The following CAMTA1 variants were observed in gnomAD, a reference collection of about 807,000 sequenced individuals.
CAMTA1 encodes the protein calmodulin-binding transcription activator 1.
Under a neutral mutation model 170.9 loss-of-function variants are expected in CAMTA1, and 27 were observed. The observed-to-expected ratio is 0.16, with a 90% CI of 0.12 to 0.22. The LOEUF (loss-of-function observed/expected upper bound fraction) is 0.22. Among genes scored for constraint, CAMTA1 ranks in the 10% least tolerant of loss-of-function variants. The pLI, the probability that CAMTA1 is intolerant of heterozygous loss-of-function variation, is 1.00. For synonymous variants in CAMTA1, 833 were observed against 891.5 expected, an observed-to-expected ratio of 0.93 and a Z score of 1.17; for missense variants, 1,619 against 2,217.2, an observed-to-expected ratio of 0.73 and a Z score of 5.42.
At chr1:7,383,070 T>C (rs2087527404) in intron 5 of CAMTA1, among the ~76,000 whole-genome samples, 1 of 152,142 alleles carries the variant, frequency 6.6e-6, no homozygotes, top group Admixed American at 6.5e-5. Flanking sequence ...TAGCGTTCTA[T>C]GTGGGAAGAA....
intron 3 of CAMTA1, among the ~76,000 whole-genome samples, chr1:6,882,652 C>T (rs1198658630): frequency 6.6e-6 from 1 of 151,966 alleles, no homozygotes; most frequent in Non-Finnish European, 1.5e-5. Flanking sequence ...TGGAGATGTT[C>T]AATAGGCAGT....
intron 11 of CAMTA1, among the ~76,000 whole-genome samples, chr1:7,710,470 CA>C (rs1342124041): frequency 6.6e-6 from 1 of 151,924 alleles, no homozygotes; most frequent in Non-Finnish European, 1.5e-5. Context: ...CACAGTGGCA[CA>C]CACCTATAGT....
chr1:7,374,261 G>A (rs1445390709), intron 5 of CAMTA1, among the ~76,000 whole-genome samples: 1 of 152,258 alleles, frequency 6.6e-6, no homozygotes, highest in Non-Finnish European at 1.5e-5. Flanking sequence ...TCAGGGATGG[G>A]CAAAGTTGTG....
chr1:7,695,110 G>A (rs1327216867), intron 11 of CAMTA1, among the ~76,000 whole-genome samples: 1 of 152,160 alleles, frequency 6.6e-6, no homozygotes, highest in Admixed American at 6.5e-5. Context: ...AGGAGAAACC[G>A]GTAGATAGCT....
Position 7,252,645 on chromosome 1 carries a change from T to A in CAMTA1, c.438+3019T>A, listed in dbSNP as rs537320427. On this transcript the variant is annotated intron_variant, in intron 5 of 22. Transcript: ENST00000303635. ...GTCTTTGGTGGATTCAATCAGGTGG[T>A]TCCCATAGACTCAGCATCTTCATCA... is the stretch of plus-strand genomic sequence containing the variant. Among the ~76,000 whole-genome samples, 149 of 152,328 alleles carry A rather than the reference T, an allele frequency of 9.8e-4. 1 individual carries two copies. The East Asian group carries it at 0.01, about 11-fold the overall frequency.
intron 4 of CAMTA1, among the ~76,000 whole-genome samples, chr1:7,098,855 A>G (rs1457110275): frequency 6.6e-6 from 1 of 152,108 alleles, no homozygotes; most frequent in Non-Finnish European, 1.5e-5. Context: ...TGGCAGCACC[A>G]GTCCAGGGCT....
chr1:6,881,077 T>A (rs954245173), intron 3 of CAMTA1, among the ~76,000 whole-genome samples: 5 of 152,136 alleles, frequency 3.3e-5, no homozygotes, highest in African/African-American at 1.2e-4. Context: ...TACAGAGAAG[T>A]TGAATTAACT....
intron 4 of CAMTA1, among the ~76,000 whole-genome samples, chr1:7,243,361 G>A (rs1665226226): frequency 6.6e-6 from 1 of 152,126 alleles, no homozygotes; most frequent in African/African-American, 2.4e-5. Context: ...ATGGTTTTAG[G>A]TCTAACATAT....
Position 7,565,225 on chromosome 1 carries a change from C to T in CAMTA1, c.511-75175C>T, listed in dbSNP as rs2150292723. On this transcript the variant is annotated intron_variant, in intron 6 of 22. Coordinates refer to ENST00000303635, the MANE Select transcript of CAMTA1 (RefSeq NM_015215.4). This position sits in a 1 kb window ranked among gnomAD's most constrained non-coding sequence, Gnocchi z 4.5. ...GATCTCCATCTGTCCCTCCTCATTCCCCGGAGAAGCACCCAGAGAGATGTA... is the reference window on the plus strand; with the variant it reads ...GATCTCCATCTGTCCCTCCTCATTCTCCGGAGAAGCACCCAGAGAGATGTA... 6.6e-6 allele frequency among the ~76,000 whole-genome samples: 1 copy of T among 152,272 alleles called. No homozygotes were observed. Among genetic ancestry groups the T allele is most frequent in the East Asian group, 1.9e-4 (1 of 5,164 alleles).
intron 6 of CAMTA1, among the ~76,000 whole-genome samples, chr1:7,507,959 G>T (rs372866138): frequency 1.3e-5 from 2 of 152,262 alleles, no homozygotes; most frequent in Non-Finnish European, 2.9e-5. Flanking sequence ...GCTTTGCCAC[G>T]TGGCTCCCAC....
At chr1:7,651,584 C>T (rs1056588113) in intron 7 of CAMTA1, among the ~76,000 whole-genome samples, 1 of 152,252 alleles carries the variant, frequency 6.6e-6, no homozygotes, top group African/African-American at 2.4e-5. Context: ...GGCAGGACTG[C>T]GGAGCAGAGA....
intron 4 of CAMTA1, among the ~76,000 whole-genome samples, chr1:7,142,341 G>A (rs1030017028): frequency 1.2e-4 from 19 of 152,210 alleles, no homozygotes; most frequent in African/African-American, 4.6e-4. Flanking sequence ...GAACCCAGTT[G>A]TGATGAGACT....
At chr1:6,871,420 A>G (rs899370683) in intron 3 of CAMTA1, among the ~76,000 whole-genome samples, 1 of 152,222 alleles carries the variant, frequency 6.6e-6, no homozygotes, top group African/African-American at 2.4e-5. Flanking sequence ...TGAGGAGAGG[A>G]AAAACTCACC....
At chr1:6,951,427 A>G (rs914779980) in intron 3 of CAMTA1, among the ~76,000 whole-genome samples, 4 of 152,198 alleles carry the variant, frequency 2.6e-5, no homozygotes, top group African/African-American at 7.2e-5. Context: ...TGAGTGGGAT[A>G]ATGGATGGAA....
At position 7,767,203 on chromosome 1, in the gene CAMTA1, G is replaced by A. The variant is rs910026556; in HGVS notation, c.*712G>A. 3 of 152,786 alleles carry A rather than the reference G, an allele frequency of 2.0e-5. No homozygotes were observed. Among genetic ancestry groups the A allele is most frequent in the African/African-American group, 7.2e-5 (3 of 41,448 alleles). The allele number at this position is 152,786 out of a possible 1,614,324, so 9.5% of individuals were successfully genotyped here. On this transcript the variant is annotated 3_prime_UTR_variant, in exon 23 of 23. Transcript: ENST00000303635. ...GGGAAATAATGAGAAGCAGCTCACA[G>A]AGTTTAAACTATTTTCTTGTCCCCA...
At chr1:7,194,161 C>T (rs1233713903) in intron 4 of CAMTA1, among the ~76,000 whole-genome samples, 1 of 152,122 alleles carries the variant, frequency 6.6e-6, no homozygotes, top group Non-Finnish European at 1.5e-5. Context: ...GCATGACAAA[C>T]CAAAAACACT....
At chr1:7,291,264 C>T (rs1243254304) in intron 5 of CAMTA1, among the ~76,000 whole-genome samples, 2 of 152,058 alleles carry the variant, frequency 1.3e-5, no homozygotes, top group East Asian at 1.9e-4. Flanking sequence ...GATCATCCAT[C>T]GTGCTGGAGT....
At chr1:6,796,132 CTTTTTTTTTTTTT>C (rs978363793) in intron 1 of CAMTA1, among the ~76,000 whole-genome samples, 6 of 70,962 alleles carry the variant, frequency 8.5e-5, no homozygotes, top group East Asian at 7.6e-4. Flanking sequence ...AATAGCATTT[CTTTTTTTTTTTTT>C]TTTTTTTTTT....
chr1:7,294,041 A>G (rs1277763179), intron 5 of CAMTA1, among the ~76,000 whole-genome samples: 1 of 152,174 alleles, frequency 6.6e-6, no homozygotes, highest in Non-Finnish European at 1.5e-5. Flanking sequence ...GGCTTTCCTC[A>G]TTTCTATGCA....
Sources: allele counts gnomAD v4.1 joint callset (sites outside exome capture counted in the v4.1 genomes callset), GRCh38; gene constraint gnomAD v4.1.1; non-coding constraint Gnocchi (gnomAD v3.1); transcripts MANE v1.5; gene names NCBI Gene and HGNC (gene_info 2026-07-23, HGNC 2026-07-21).